Variants in GNA12 observed in about 807,000 individuals in gnomAD.
The protein encoded by GNA12 is guanine nucleotide-binding protein subunit alpha-12.
GNA12 carries 9 observed loss-of-function variants against 26.0 expected under a neutral mutation model. The ratio of observed to expected loss-of-function variants is 0.35; its 90% CI spans 0.21 to 0.60. The LOEUF is 0.60. Ranked by LOEUF, GNA12 falls within the 20% of genes least tolerant of loss-of-function variation. GNA12 has a pLI of 0.78. For synonymous variants in GNA12, 264 were observed against 219.6 expected, an observed-to-expected ratio of 1.20 and a Z score of -1.79; for missense variants, 405 against 525.8, an observed-to-expected ratio of 0.77 and a Z score of 2.25.
chr7:2,790,913 G>A (rs954353030), intron 2 of GNA12, among the ~76,000 whole-genome samples: 2 of 151,778 alleles, frequency 1.3e-5, no homozygotes, highest in African/African-American at 4.8e-5. Flanking sequence ...GATCCAGGCT[G>A]CAGTGAGCTA....
Position 2,844,105 on chromosome 7 carries a change from C to A in GNA12, c.57G>T (p.Gly19=). Residue 19 remains glycine, a synonymous_variant, in exon 1 of 4, where the codon GGG becomes GGT. Coordinates refer to ENST00000275364, the MANE Select transcript of GNA12 (RefSeq NM_007353.3). ...SRCLLPAEAG[G]ARERRAGSGA... Reference sequence around the variant, plus strand: ...CGCTGCCCGCCCTGCGCTCGCGGGCCCCGCCGGCCTCGGCCGGCAGCAGGC... The same window carrying A: ...CGCTGCCCGCCCTGCGCTCGCGGGCACCGCCGGCCTCGGCCGGCAGCAGGC... 3.0e-6 allele frequency: 3 copies of A among 996,764 alleles called. No homozygotes were observed. Among genetic ancestry groups the A allele is most frequent in the Non-Finnish European group, 3.6e-6 (3 of 839,416 alleles). 61.7% of individuals were successfully genotyped at this position (996,764 alleles called of 1,614,324 possible). A position where few individuals can be genotyped will look rare whatever the true frequency, so the allele number is the denominator to read the frequency against.
intron 1 of GNA12, chr7:2,815,217 G>A: frequency 2.8e-6 from 1 of 362,290 alleles, no homozygotes; most frequent in South Asian, 3.0e-5. Context: ...CTCTCAAGGA[G>A]GAAGCCAGTC....
intron 1 of GNA12, among the ~76,000 whole-genome samples, chr7:2,812,592 G>A (rs1417261079): frequency 7.2e-6 from 1 of 138,250 alleles, no homozygotes; most frequent in African/African-American, 2.6e-5. Flanking sequence ...TTGTGCCACT[G>A]CATTCCAGCC....
chr7:2,824,978 C>T (rs537997847), intron 1 of GNA12, among the ~76,000 whole-genome samples: 1 of 152,102 alleles, frequency 6.6e-6, no homozygotes, highest in Admixed American at 6.5e-5. Context: ...CCTCAGGCCC[C>T]GTGAGGGTGA....
chr7:2,816,240 C>CTTTTTT (rs71026563), intron 1 of GNA12, among the ~76,000 whole-genome samples: 8 of 148,422 alleles, frequency 5.4e-5, no homozygotes, highest in Non-Finnish European at 5.9e-5. Flanking sequence ...TCACCAAATC[C>CTTTTTT]TTTTTTTTTG....
chr7:2,744,593 A>C (rs1006388011), intron 2 of GNA12, among the ~76,000 whole-genome samples: 1 of 152,142 alleles, frequency 6.6e-6, no homozygotes, highest in Non-Finnish European at 1.5e-5. Context: ...AAAACTGGAA[A>C]CTCTAAAAAT....
At chr7:2,808,257 A>G (rs1050311551) in intron 1 of GNA12, among the ~76,000 whole-genome samples, 1 of 152,196 alleles carries the variant, frequency 6.6e-6, no homozygotes, top group Non-Finnish European at 1.5e-5. Flanking sequence ...GTGCTACCCG[A>G]CACCCACCTA....
chr7:2,799,079 A>G (rs970509370), intron 1 of GNA12, among the ~76,000 whole-genome samples: 3 of 152,242 alleles, frequency 2.0e-5, no homozygotes, highest in Admixed American at 6.5e-5. Context: ...GGGTGTGCTC[A>G]AAGTTCTTAG....
Position 2,728,958 on chromosome 7 carries a change from T to C in GNA12, c.*2223A>G, listed in dbSNP as rs982477121. On this transcript the variant is annotated 3_prime_UTR_variant, in exon 4 of 4. Transcript: ENST00000275364. ...GGGGGCCATCCCCCTGCGCTTTCTA[T>C]CGAGTTAAACGGACCCCACAATATC... 6.6e-6 allele frequency: 1 copy of C among 152,362 alleles called. No individual in the cohort carries two copies. The highest frequency in any genetic ancestry group is 2.4e-5 in the African/African-American group (1 of 41,448). The allele number at this position is 152,362 out of a possible 1,614,324, so 9.4% of individuals were successfully genotyped here. A position where few individuals can be genotyped will look rare whatever the true frequency, so the allele number is the denominator to read the frequency against.
At chr7:2,751,569 A>G (rs1791042392) in intron 2 of GNA12, among the ~76,000 whole-genome samples, 1 of 152,190 alleles carries the variant, frequency 6.6e-6, no homozygotes, top group Non-Finnish European at 1.5e-5. Context: ...TGCAATAGAA[A>G]CAATTAACAA....
intron 2 of GNA12, among the ~76,000 whole-genome samples, chr7:2,769,197 C>T (rs931016521): frequency 6.6e-6 from 1 of 152,126 alleles, no homozygotes. Context: ...AGCCACCATG[C>T]CCAGCCACCT....
At chr7:2,787,915 A>G (rs1429351485) in intron 2 of GNA12, among the ~76,000 whole-genome samples, 1 of 152,198 alleles carries the variant, frequency 6.6e-6, no homozygotes, top group Non-Finnish European at 1.5e-5. Context: ...AGAGCTTTGG[A>G]AGCCAAGGCA....
intron 2 of GNA12, chr7:2,764,825 G>C (rs956227617): frequency 1.3e-5 from 2 of 152,218 alleles, no homozygotes; most frequent in Non-Finnish European, 2.9e-5. Flanking sequence ...CACTGAGACT[G>C]ACCACAGCTG....
chr7:2,759,199 TAAAAAC>T (rs906416473), intron 2 of GNA12, among the ~76,000 whole-genome samples: 33 of 151,020 alleles, frequency 2.2e-4, no homozygotes, highest in Non-Finnish European at 4.6e-4. Flanking sequence ...AAAATAAAAA[TAAAAAC>T]CCCATGATGG....
chr7:2,832,795 C>T (rs1043407785), intron 1 of GNA12, among the ~76,000 whole-genome samples: 3 of 152,104 alleles, frequency 2.0e-5, no homozygotes, highest in Admixed American at 2.0e-4. Context: ...TGTTTTCTTC[C>T]CCTTGCCGTC....
intron 2 of GNA12, chr7:2,760,450 G>C (rs1052233089): frequency 1.3e-5 from 2 of 152,474 alleles, no homozygotes; most frequent in African/African-American, 4.8e-5. Flanking sequence ...GCTGTGGTAA[G>C]CACCTGAGAA....
At chr7:2,789,108 C>CTGTG (rs1792441988) in intron 2 of GNA12, among the ~76,000 whole-genome samples, 1 of 147,662 alleles carries the variant, frequency 6.8e-6, no homozygotes, top group Non-Finnish European at 1.5e-5. Context: ...GCGTGAGCCA[C>CTGTG]CGTGCCCGGA....
chr7:2,742,597 C>T (rs149847001), intron 2 of GNA12, among the ~76,000 whole-genome samples: 86 of 152,240 alleles, frequency 5.6e-4, no homozygotes, highest in African/African-American at 1.7e-3. Flanking sequence ...TGAGTCTCGC[C>T]GGCCCTTTGC....
Position 2,802,587 on chromosome 7 carries a change from T to G in GNA12, c.310-7444A>C, listed in dbSNP as rs764878456. Among the ~76,000 whole-genome samples, 26 of 152,266 alleles carry G rather than the reference T, an allele frequency of 1.7e-4. 1 individual carries two copies. The highest frequency in any genetic ancestry group is 7.2e-4 in the Admixed American group (11 of 15,294). On this transcript the variant is annotated intron_variant, in intron 1 of 3. Coordinates refer to ENST00000275364, the MANE Select transcript of GNA12 (RefSeq NM_007353.3). ...ATAGACATAAAATGCTTTAAGATAA[T>G]ATGAGCCTTTTTCTACAAGATGAAA...
Sources: gnomAD v4.1 joint callset for allele counts (sites outside exome capture counted in the v4.1 genomes callset) on GRCh38, gnomAD v4.1.1 for gene constraint, MANE v1.5 for transcripts, NCBI Gene and HGNC (gene_info 2026-07-23, HGNC 2026-07-21) for gene names.